Variants in NLRP8 observed in about 807,000 individuals in gnomAD.
NLRP8 encodes the protein NLR family pyrin domain containing 8.
NLRP8 carries 86 observed loss-of-function variants against 88.7 expected under a neutral mutation model. The observed-to-expected ratio is 0.97, with a 90% CI of 0.81 to 1.16. The LOEUF (loss-of-function observed/expected upper bound fraction) is 1.16, where lower values mean the gene tolerates loss of function less well. NLRP8 is among the 50% of genes most tolerant of loss of function. The pLI, the probability that NLRP8 is intolerant of heterozygous loss-of-function variation, is 0.00. For synonymous variants in NLRP8, 504 were observed against 494.6 expected (o/e 1.02, Z -0.25); for missense variants, 1,342 against 1,286.5 (o/e 1.04, Z -0.66).
intron 9 of NLRP8, among the ~76,000 whole-genome samples, 165 bp downstream of exon 10, chr19:55,981,323 G>T (rs1185381284): frequency 6.6e-6 from 1 of 151,972 alleles, no homozygotes; most frequent in Non-Finnish European, 1.5e-5. Flanking sequence ...GGGAACTGGT[G>T]TAGGGCATGA....
At chr19:55,958,164 G>C (rs1327325507) in intron 3 of NLRP8, among the ~76,000 whole-genome samples, 1 of 152,162 alleles carries the variant, frequency 6.6e-6, no homozygotes, top group Non-Finnish European at 1.5e-5. Context: ...TGGCGAGAGA[G>C]GGGACATTGT....
intron 9 of NLRP8, among the ~76,000 whole-genome samples, chr19:55,984,709 C>T (rs993819185): frequency 2.0e-5 from 3 of 150,238 alleles, no homozygotes; most frequent in Non-Finnish European, 2.9e-5. Flanking sequence ...CAGTGGCTCA[C>T]GCCTGTAATC....
chr19:55,983,612 A>T (rs948416880), intron 9 of NLRP8, among the ~76,000 whole-genome samples: 4 of 152,122 alleles, frequency 2.6e-5, no homozygotes, highest in Admixed American at 6.6e-5. Flanking sequence ...GTGAATTACA[A>T]AGTAAGAGTA....
chr19:55,962,146 C>G lies in NLRP8; in HGVS notation c.2122C>G (p.Leu708Val). 1 of 1,614,194 alleles carries G rather than the reference C, an allele frequency of 6.2e-7. No homozygotes were observed. The highest frequency in any genetic ancestry group is 8.5e-7 in the Non-Finnish European group (1 of 1,180,026). The change falls in exon 4 of 10, where the codon CTG (leucine) becomes GTG (valine). Residue 708 changes from leucine (L) to valine (V), a missense_variant. Coordinates refer to ENST00000291971, the MANE Select transcript of NLRP8 (RefSeq NM_176811.2). ...TGCAACGAATGATAAGCTGGAAGTC[C>G]TGACTATGACCAACAGTGTTTTGGG...
At chr19:55,969,909 C>T (rs1033378412) in intron 5 of NLRP8, among the ~76,000 whole-genome samples, 2 of 152,092 alleles carry the variant, frequency 1.3e-5, no homozygotes, top group African/African-American at 4.8e-5. Context: ...ACCTTGAGGC[C>T]GAAATCCAGC....
chr19:55,955,205 G>C lies in NLRP8; in HGVS notation c.1147G>C (p.Ala383Pro). The C allele has an allele frequency of 6.2e-7, 1 of 1,614,072 alleles. No homozygotes were observed. Among genetic ancestry groups the C allele is most frequent in the African/African-American group, 1.3e-5 (1 of 75,020 alleles). Reference sequence around the variant, plus strand: ...GGAGGGAGACCAAGTCTTGAGTTTCGCCATGGAAAACACCATTCTCTTCTC... The same window carrying C: ...GGAGGGAGACCAAGTCTTGAGTTTCCCCATGGAAAACACCATTCTCTTCTC... Residue 383 changes from alanine (A) to proline (P), a missense_variant, in exon 3 of 10, where the codon GCC becomes CCC. Coordinates refer to ENST00000291971, the MANE Select transcript of NLRP8 (RefSeq NM_176811.2).
Position 55,984,520 on chromosome 19 carries a change from G to A in NLRP8, c.3048-3294G>A. On this transcript the variant is annotated intron_variant, in intron 9 of 9. Transcript: ENST00000291971. ...AAATACAAAATTAGCCAGGCGTGGT[G>A]GTGCATGCCTGTGGTCCCAGCTACT... Among the ~76,000 whole-genome samples the A allele has an allele frequency of 1.3e-5, 2 of 150,914 alleles. 1 individual carries two copies. The highest frequency in any genetic ancestry group is 4.9e-5 in the African/African-American group (2 of 40,834).
chr19:55,982,601 G>T (rs1281518438), intron 9 of NLRP8, among the ~76,000 whole-genome samples: 3 of 152,202 alleles, frequency 2.0e-5, no homozygotes, highest in African/African-American at 4.8e-5. Flanking sequence ...TGCTGGGAAT[G>T]TACAGAATGG....
intron 4 of NLRP8, 131 bp downstream of exon 4, chr19:55,962,368 CAGGAGGAATG>C (rs1979653634): frequency 1.0e-6 from 1 of 979,066 alleles, no homozygotes; most frequent in Non-Finnish European, 1.5e-6. Context: ...GACGGAGGTG[CAGGAGGAATG>C]AGTCATGGGG....
At chr19:55,986,660 T>A (rs1980854910) in intron 9 of NLRP8, among the ~76,000 whole-genome samples, 1 of 152,220 alleles carries the variant, frequency 6.6e-6, no homozygotes, top group Non-Finnish European at 1.5e-5. Context: ...GGGCTGGTGG[T>A]TCAGAGCCGG....
chr19:55,976,307 A>G lies in NLRP8; in HGVS notation c.2876+4A>G, dbSNP rs1265212349. ...ACTGTACATTACAGATCCTGGAGTA[A>G]GTGGCCCCTCGTCTCCTCCTGTGAG... On this transcript the variant is annotated splice_donor_region_variant and intron_variant, in intron 8 of 9. Coordinates refer to ENST00000291971, the MANE Select transcript of NLRP8 (RefSeq NM_176811.2). 2 of 1,593,772 alleles carry G rather than the reference A, an allele frequency of 1.3e-6. No individual in the cohort carries two copies. Among genetic ancestry groups the G allele is most frequent in the Non-Finnish European group, 1.7e-6 (2 of 1,173,772 alleles).
At chr19:55,951,270 G>A (rs1979083407) in intron 1 of NLRP8, among the ~76,000 whole-genome samples, 1 of 152,044 alleles carries the variant, frequency 6.6e-6, no homozygotes, top group African/African-American at 2.4e-5. Flanking sequence ...TCAACAATAT[G>A]TACTAAATAA....
chr19:55,948,153 T>G lies in NLRP8; in HGVS notation c.251T>G (p.Val84Gly), dbSNP rs1333118999. 6.2e-7 allele frequency: 1 copy of G among 1,613,850 alleles called. No homozygotes were observed. The highest frequency in any genetic ancestry group is 8.5e-7 in the Non-Finnish European group (1 of 1,180,006). The stretch of plus-strand genomic sequence containing the variant: ...GTCGAGACAGCCAGCTGGGCAGAGG[T>G]GGTTCATCTCTTGATAGAGCGTTTC... The change falls in exon 1 of 10, where the codon GTG becomes GGG. Residue 84 changes from valine (V) to glycine (G), a missense_variant. Val to Gly is a moderately radical substitution (Grantham distance 109). Transcript: ENST00000291971.
chr19:55,977,367 G>A (rs1176313498), intron 8 of NLRP8, among the ~76,000 whole-genome samples: 1 of 142,294 alleles, frequency 7.0e-6, no homozygotes, highest in East Asian at 2.0e-4. Flanking sequence ...TTATATATAA[G>A]TATATATAAA....
In NLRP8 at chr19:55,955,653, T is replaced by C; in HGVS notation, c.1595T>C (p.Val532Ala). ...CCACAAAGACTCAAAAATTTTCATG[T>C]GTTGAGCCACGTGAATATCCAGCGC... Residue 532 changes from valine to alanine, a missense_variant, in exon 3 of 10, where the codon GTG becomes GCG. Val to Ala is a moderately conservative substitution (Grantham distance 64). Transcript: ENST00000291971. 1 of 1,614,194 alleles carries C rather than the reference T, an allele frequency of 6.2e-7. No individual in the cohort carries two copies. The highest frequency in any genetic ancestry group is 1.7e-5 in the Admixed American group (1 of 60,016).
intron 3 of NLRP8, among the ~76,000 whole-genome samples, chr19:55,959,398 G>C (rs1979515062): frequency 6.6e-6 from 1 of 151,318 alleles, no homozygotes; most frequent in African/African-American, 2.4e-5. Context: ...TTTTTTAGTA[G>C]AGACGGGGTT....
chr19:55,976,230 A>G lies in NLRP8; in HGVS notation c.2803A>G (p.Ser935Gly), dbSNP rs2123221645. Residue 935 changes from serine (S) to glycine (G), a missense_variant, in exon 8 of 10, where the codon AGC becomes GGC. By Grantham distance (56) the Ser-to-Gly change is moderately conservative. Coordinates refer to ENST00000291971, the MANE Select transcript of NLRP8 (RefSeq NM_176811.2). ...GAAAAGTCTTGACCTAAGTTTTAAT[A>G]GCCTGAAGGATGATGGGGTGATCCT... is the stretch of plus-strand genomic sequence containing the variant. 6.2e-7 allele frequency: 1 copy of G among 1,613,982 alleles called. No individual in the cohort carries two copies. The highest frequency in any genetic ancestry group is 1.1e-5 in the South Asian group (1 of 91,062).
rs1489383366 is a variant in NLRP8, at chr19:55,955,068, C to T, written c.1010C>T (p.Thr337Ile). 2.5e-6 allele frequency: 4 copies of T among 1,613,992 alleles called. No individual in the cohort carries two copies. The highest frequency in any genetic ancestry group is 3.4e-6 in the Non-Finnish European group (4 of 1,180,008). ...ACGCTACTGATCATGATAAGATTTA[C>T]CTCTTGGCAGACATGCAAGCCCTTG... Residue 337 changes from threonine to isoleucine, a missense_variant, in exon 3 of 10, where the codon ACC (threonine) becomes ATC (isoleucine). Physicochemically the swap from Thr to Ile is moderately conservative, Grantham distance 89. Transcript: ENST00000291971.
At chr19:55,971,080 A>G (rs1980054164) in intron 6 of NLRP8, among the ~76,000 whole-genome samples, 2 of 152,122 alleles carry the variant, frequency 1.3e-5, no homozygotes, top group Non-Finnish European at 1.5e-5. Flanking sequence ...TAATTTATGT[A>G]TAGTATTAAT....
Sources: gnomAD v4.1 joint callset for allele counts (sites outside exome capture counted in the v4.1 genomes callset) on GRCh38, gnomAD v4.1.1 for gene constraint, MANE v1.5 for transcripts, NCBI Gene and HGNC (gene_info 2026-07-23, HGNC 2026-07-21) for gene names.